Variants in MTMR8 observed in about 807,000 individuals in gnomAD.
The protein encoded by MTMR8 is myotubularin related protein 8.
A neutral mutation model predicts 39.3 loss-of-function variants in MTMR8; 65 were observed. The observed-to-expected ratio is 1.65, with a 90% CI of 1.35 to 2.03. The LOEUF (loss-of-function observed/expected upper bound fraction) is 2.03, where lower values mean the gene tolerates loss of function less well. Ranked by LOEUF, MTMR8 falls within the 30% of genes most tolerant of loss-of-function variation. The pLI, the probability that MTMR8 is intolerant of heterozygous loss-of-function variation, is 0.00. For missense variants in MTMR8, 777 were observed against 538.9 expected (o/e 1.44, Z -4.37); for synonymous variants, 245 against 185.2 (o/e 1.32, Z -2.62).
intron 1 of MTMR8, among the ~76,000 whole-genome samples, chrX:64,378,097 CTG>C (rs1183876320): frequency 8.9e-6 from 1 of 111,954 alleles, no homozygotes; most frequent in African/African-American, 3.2e-5. Flanking sequence ...GCCTGTGGAT[CTG>C]TGAGTCAATT....
At chrX:64,312,752 T>TTGA (rs1312689491) in intron 12 of MTMR8, among the ~76,000 whole-genome samples, 1 of 112,404 alleles carries the variant, frequency 8.9e-6, no homozygotes, top group Non-Finnish European at 1.9e-5. Flanking sequence ...AAGTTACTAC[T>TTGA]TGATCCATGG....
chrX:64,375,018 G>A (rs952693794), intron 1 of MTMR8, among the ~76,000 whole-genome samples: 1 of 102,498 alleles, frequency 9.8e-6, no homozygotes, highest in African/African-American at 3.7e-5. Flanking sequence ...CTCCTGAATG[G>A]TGAGGGAATA....
At chrX:64,288,140 A>G (rs761801416) in intron 12 of MTMR8, among the ~76,000 whole-genome samples, 1 of 108,708 alleles carries the variant, frequency 9.2e-6, no homozygotes, top group Non-Finnish European at 1.9e-5. Context: ...AGAATCTAAA[A>G]GAACTCACAA....
rs1286489468 is a variant in MTMR8, at chrX:64,268,776, C to G, written c.1876G>C (p.Gly626Arg). ...VGSLRAINIS[G>R]DVGISEAMGI... is the part of the protein sequence containing the mutation. ...ATGGCCTCAGAGATGCCCACATCCC[C>G]AGAGATATTTATGGCCCTAAGGCTG... is the stretch of plus-strand genomic sequence containing the variant. Residue 626 changes from glycine to arginine, a missense_variant, in exon 14 of 14, where the codon GGG becomes CGG. By Grantham distance (125) the Gly-to-Arg change is moderately radical. Transcript: ENST00000374852. The G allele has an allele frequency of 2.5e-6, 3 of 1,209,886 alleles. No individual in the cohort carries two copies.
At chrX:64,338,618 G>A (rs767597494) in intron 8 of MTMR8, among the ~76,000 whole-genome samples, 104 of 112,311 alleles carry the variant, frequency 9.3e-4, no homozygotes, top group African/African-American at 3.0e-3. Flanking sequence ...GATGGCAATA[G>A]GGAGTTGGAA....
intron 12 of MTMR8, among the ~76,000 whole-genome samples, chrX:64,288,723 A>T (rs1253066982): frequency 9.0e-6 from 1 of 111,376 alleles, no homozygotes; most frequent in Non-Finnish European, 1.9e-5. Flanking sequence ...TTGCAGGGAC[A>T]TGGATGAAGC....
At chrX:64,379,304 A>G (rs866743637) in intron 1 of MTMR8, among the ~76,000 whole-genome samples, 1 of 112,098 alleles carries the variant, frequency 8.9e-6, no homozygotes, top group South Asian at 3.7e-4. Context: ...CTAATTCCAA[A>G]ACCAGAAAAT....
chrX:64,339,733 T>C (rs1923167229), intron 8 of MTMR8, among the ~76,000 whole-genome samples: 1 of 110,189 alleles, frequency 9.1e-6, no homozygotes, highest in African/African-American at 3.3e-5. Flanking sequence ...GAGATGGAAT[T>C]TCAAATATAG....
At chrX:64,336,514 C>A (rs993535806) in intron 9 of MTMR8, among the ~76,000 whole-genome samples, 175 of 108,100 alleles carry the variant, frequency 1.6e-3, no homozygotes, top group African/African-American at 5.7e-3. Context: ...AAAAAAAATT[C>A]TAGCCAGGCA....
At chrX:64,325,826 T>C (rs774437815) in intron 12 of MTMR8, among the ~76,000 whole-genome samples, 1 of 111,628 alleles carries the variant, frequency 9.0e-6, no homozygotes, top group African/African-American at 3.3e-5. Context: ...GCTATCCAAA[T>C]TGGAAAGGAG....
chrX:64,366,916 G>A (rs2147238659), intron 1 of MTMR8, among the ~76,000 whole-genome samples: 1 of 111,549 alleles, frequency 9.0e-6, no homozygotes, highest in African/African-American at 3.3e-5. Flanking sequence ...AAATGATAAA[G>A]GTGATATCAC....
chrX:64,393,110 G>A lies in MTMR8; in HGVS notation c.24+2230C>T, dbSNP rs756196310. Among the ~76,000 whole-genome samples the A allele has an allele frequency of 8.0e-5, 9 of 111,886 alleles. 1 individual carries two copies. The South Asian group carries it at 3.4e-3, about 42-fold the overall frequency. ...ACACTATCCATGCAGTACAAATGGAGTCTGACCATGATGCAAGTTTAAGTT... is the reference window on the plus strand; with the variant it reads ...ACACTATCCATGCAGTACAAATGGAATCTGACCATGATGCAAGTTTAAGTT... On this transcript the variant is annotated intron_variant, in intron 1 of 13. Coordinates refer to ENST00000374852, the MANE Select transcript of MTMR8 (RefSeq NM_017677.4).
At chrX:64,326,884 GA>G (rs755994207) in intron 12 of MTMR8, among the ~76,000 whole-genome samples, 2 of 108,350 alleles carry the variant, frequency 1.8e-5, no homozygotes, top group Admixed American at 9.9e-5. Context: ...AGAGAGCCCA[GA>G]AAAAAAATGC....
intron 12 of MTMR8, among the ~76,000 whole-genome samples, chrX:64,302,076 A>G (rs1921902413): frequency 8.9e-6 from 1 of 112,480 alleles, no homozygotes; most frequent in Non-Finnish European, 1.9e-5. Context: ...GGCCTCCTTG[A>G]GCTGTGGTTG....
intron 12 of MTMR8, among the ~76,000 whole-genome samples, chrX:64,313,485 G>A (rs1451813317): frequency 6.2e-5 from 7 of 112,667 alleles, no homozygotes; most frequent in Non-Finnish European, 1.3e-4. Flanking sequence ...TTTCACTAGA[G>A]TAGCACTTTT....
At chrX:64,283,703 C>T (rs1306924114) in intron 12 of MTMR8, among the ~76,000 whole-genome samples, 1 of 112,456 alleles carries the variant, frequency 8.9e-6, no homozygotes, top group African/African-American at 3.2e-5. Context: ...TGCTGATACC[C>T]AGGCAAACAG....
chrX:64,307,800 T>A lies in MTMR8; in HGVS notation c.1481+20972A>T, dbSNP rs1173163987. ...ACCAATTTGGGAAGGGCTGACATTT[T>A]TACTGTGTTGATTTTGACAATCCAC... On this transcript the variant is annotated intron_variant, in intron 12 of 13. Transcript: ENST00000374852. Among the ~76,000 whole-genome samples the A allele has an allele frequency of 3.6e-5, 4 of 112,565 alleles. No homozygotes were observed. The Admixed American group carries it at 3.8e-4, about 11-fold the overall frequency.
chrX:64,378,432 G>T (rs1196869643), intron 1 of MTMR8, among the ~76,000 whole-genome samples: 1 of 110,922 alleles, frequency 9.0e-6, no homozygotes, highest in Non-Finnish European at 1.9e-5. Flanking sequence ...TGTTTCCCAG[G>T]CTGGTCTCAA....
chrX:64,273,431 A>C (rs763087334), intron 12 of MTMR8, among the ~76,000 whole-genome samples: 3 of 110,404 alleles, frequency 2.7e-5, no homozygotes, highest in Non-Finnish European at 5.7e-5. Context: ...AGAAGTTAAA[A>C]AAAAAAGAAA....
Sources: allele counts gnomAD v4.1 joint callset (sites outside exome capture counted in the v4.1 genomes callset), GRCh38; gene constraint gnomAD v4.1.1; transcripts MANE v1.5; gene names NCBI Gene and HGNC (gene_info 2026-07-23, HGNC 2026-07-21).